The following GJB7 variants were observed in gnomAD, a reference collection of about 807,000 sequenced individuals.
GJB7 encodes gap junction protein beta 7, also known as gap junction beta-7 protein.
For synonymous variants in GJB7, 87 were observed against 95.2 expected, an observed-to-expected ratio of 0.91 and a Z score of 0.50; for missense variants, 253 against 256.8, an observed-to-expected ratio of 0.99 and a Z score of 0.10.
chr6:87,325,249 A>C (rs1431247578), intron 1 of GJB7, among the ~76,000 whole-genome samples: 2 of 150,526 alleles, frequency 1.3e-5, no homozygotes, highest in Non-Finnish European at 2.9e-5. Context: ...CTAATTGAAT[A>C]CCCTTTATTT....
chr6:87,320,761 A>C (rs1776645309), intron 2 of GJB7, among the ~76,000 whole-genome samples: 1 of 152,220 alleles, frequency 6.6e-6, no homozygotes, highest in Non-Finnish European at 1.5e-5. Flanking sequence ...TGAAAGAGTT[A>C]AGCTCTGCCT....
chr6:87,291,853 T>G (rs6925890), intron 2 of GJB7: 1 of 152,012 alleles, frequency 6.6e-6, no homozygotes, highest in Non-Finnish European at 1.5e-5. Flanking sequence ...ATTTTCCCAT[T>G]AAATAGACAA....
intron 2 of GJB7, among the ~76,000 whole-genome samples, chr6:87,319,594 G>T (rs1286655837): frequency 6.6e-6 from 1 of 152,150 alleles, no homozygotes; most frequent in African/African-American, 2.4e-5. Flanking sequence ...CTTTTTAATT[G>T]AAATTTAACT....
At chr6:87,303,075 C>A (rs1365172523) in intron 2 of GJB7, among the ~76,000 whole-genome samples, 2 of 152,108 alleles carry the variant, frequency 1.3e-5, no homozygotes, top group African/African-American at 4.8e-5. Context: ...CAAAAACATG[C>A]CAAATTGTAA....
chr6:87,308,662 T>C (rs1474138720), intron 2 of GJB7, among the ~76,000 whole-genome samples: 1 of 152,122 alleles, frequency 6.6e-6, no homozygotes, highest in Non-Finnish European at 1.5e-5. Flanking sequence ...CCAAGAATTT[T>C]CTCAATCATG....
At chr6:87,285,178 C>G (rs1224255052) in intron 2 of GJB7, among the ~76,000 whole-genome samples, 1 of 152,122 alleles carries the variant, frequency 6.6e-6, no homozygotes, top group Non-Finnish European at 1.5e-5. Context: ...TGGTCATCTA[C>G]CCCACCGCCC....
At chr6:87,288,161 G>C (rs576859597) in intron 2 of GJB7, among the ~76,000 whole-genome samples, 11 of 152,086 alleles carry the variant, frequency 7.2e-5, no homozygotes, top group Middle Eastern at 6.8e-3. Flanking sequence ...TCAGCCTCCC[G>C]AAGTGCTGGG....
At chr6:87,305,759 C>G (rs1311867593) in intron 2 of GJB7, among the ~76,000 whole-genome samples, 1 of 152,208 alleles carries the variant, frequency 6.6e-6, no homozygotes, top group Non-Finnish European at 1.5e-5. Context: ...AGGCATCACA[C>G]TACCTGACTT....
chr6:87,318,860 T>C (rs575981480), intron 2 of GJB7, among the ~76,000 whole-genome samples: 1 of 152,300 alleles, frequency 6.6e-6, no homozygotes, highest in African/African-American at 2.4e-5. Flanking sequence ...GGAAAAGAAA[T>C]AAGTGCCAGC....
At chr6:87,319,740 C>T (rs1001799544) in intron 2 of GJB7, among the ~76,000 whole-genome samples, 1 of 152,204 alleles carries the variant, frequency 6.6e-6, no homozygotes, top group Non-Finnish European at 1.5e-5. Context: ...TTTACTGCAG[C>T]ACTATTCACA....
chr6:87,327,113 T>C (rs1232357501), intron 1 of GJB7, among the ~76,000 whole-genome samples: 1 of 151,678 alleles, frequency 6.6e-6, no homozygotes, highest in Non-Finnish European at 1.5e-5. Flanking sequence ...TGTTTTCCAT[T>C]TGCTTGGTAG....
chr6:87,329,011 T>G (rs1046330362), intron 1 of GJB7, 127 bp downstream of exon 1: 3 of 153,338 alleles, frequency 2.0e-5, no homozygotes, highest in African/African-American at 7.2e-5. Flanking sequence ...AGTGACCCGA[T>G]TTTCCATGTG....
At chr6:87,287,468 G>C (rs894831774) in intron 2 of GJB7, among the ~76,000 whole-genome samples, 1 of 152,238 alleles carries the variant, frequency 6.6e-6, no homozygotes, top group East Asian at 1.9e-4. Context: ...AAGGCTAAGA[G>C]GTATTTTCAG....
At chr6:87,308,916 A>G (rs1776473265) in intron 2 of GJB7, among the ~76,000 whole-genome samples, 1 of 152,256 alleles carries the variant, frequency 6.6e-6, no homozygotes, top group Admixed American at 6.5e-5. Context: ...ATTGCAATCT[A>G]AATTTACCCA....
At chr6:87,309,818 T>C (rs1669020289) in intron 2 of GJB7, among the ~76,000 whole-genome samples, 2 of 152,156 alleles carry the variant, frequency 1.3e-5, no homozygotes, top group African/African-American at 4.8e-5. Flanking sequence ...TGCTCATATC[T>C]CAGACTTTCT....
chr6:87,294,435 T>C (rs1217334502), intron 2 of GJB7, among the ~76,000 whole-genome samples: 1 of 152,250 alleles, frequency 6.6e-6, no homozygotes, highest in Non-Finnish European at 1.5e-5. Flanking sequence ...TGAATGCAGA[T>C]GCCCTATGAG....
chr6:87,298,221 T>G (rs112801938), intron 2 of GJB7, among the ~76,000 whole-genome samples: 4 of 152,242 alleles, frequency 2.6e-5, no homozygotes, highest in African/African-American at 9.6e-5. Context: ...GAGCCACCAG[T>G]GTAACTGGGG....
Position 87,284,955 on chromosome 6 carries a change from A to G in GJB7, c.-27-16T>C, listed in dbSNP as rs1200744352. ...AGGCAAGACTCTGCAAAATAAGACA[A>G]TTTCATCAGGATCCATTTATTTCTA... On this transcript the variant is annotated splice_polypyrimidine_tract_variant and intron_variant, in intron 2 of 2. Transcript: ENST00000525899. 4 of 1,428,348 alleles carry G rather than the reference A, an allele frequency of 2.8e-6. No homozygotes were observed. Among genetic ancestry groups the G allele is most frequent in the South Asian group, 1.2e-5 (1 of 81,542 alleles). The allele number at this position is 1,428,348 out of a possible 1,614,324, so 88.5% of individuals were successfully genotyped here.
At chr6:87,305,706 C>G (rs1286555149) in intron 2 of GJB7, among the ~76,000 whole-genome samples, 1 of 152,174 alleles carries the variant, frequency 6.6e-6, no homozygotes, top group Non-Finnish European at 1.5e-5. Context: ...CAAAAAAGAG[C>G]CAGCATTGCC....
Sources: gnomAD v4.1 joint callset for allele counts (sites outside exome capture counted in the v4.1 genomes callset) on GRCh38, gnomAD v4.1.1 for gene constraint, MANE v1.5 for transcripts, NCBI Gene and HGNC (gene_info 2026-07-23, HGNC 2026-07-21) for gene names.